Variants in GTPBP4 observed in about 807,000 individuals in gnomAD.
GTPBP4 encodes GTP binding protein 4, also known as GTP-binding protein 4.
A neutral mutation model predicts 81.7 loss-of-function variants in GTPBP4; 15 were observed. The ratio of observed to expected loss-of-function variants is 0.18; its 90% CI spans 0.12 to 0.28. The LOEUF is 0.28. Among genes scored for constraint, GTPBP4 ranks in the 10% least tolerant of loss-of-function variants. The pLI, the probability that GTPBP4 is intolerant of heterozygous loss-of-function variation, is 1.00. For synonymous variants in GTPBP4, 272 were observed against 274.6 expected (o/e 0.99, Z 0.09); for missense variants, 847 against 793.8 (o/e 1.07, Z -0.81).
chr10:998,915 C>T, intron 5 of GTPBP4, 88 bp from the exon 6 acceptor site: 1 of 778,562 alleles, frequency 1.3e-6, no homozygotes, highest in South Asian at 1.4e-5. Flanking sequence ...TGGTTATTTC[C>T]TACCCAAAAT....
chr10:1,014,141 A>G, intron 14 of GTPBP4, 106 bp from the exon 15 acceptor site: 1 of 645,742 alleles, frequency 1.5e-6, no homozygotes. Flanking sequence ...TAAAATAAGT[A>G]TATTATAATT....
chr10:1,011,961 G>A (rs368003729), intron 13 of GTPBP4, among the ~76,000 whole-genome samples: 5 of 152,358 alleles, frequency 3.3e-5, no homozygotes, highest in East Asian at 1.9e-4. Context: ...CCAGCATCTC[G>A]TACAGGCACA....
intron 8 of GTPBP4, among the ~76,000 whole-genome samples, chr10:1,001,396 TG>T (rs1241691374): frequency 1.3e-5 from 2 of 152,220 alleles, no homozygotes; most frequent in African/African-American, 4.8e-5. Flanking sequence ...AGGAGGATCT[TG>T]GAATTTGGGC....
chr10:998,938 A>G (rs1831578681), intron 5 of GTPBP4, 65 bp from the exon 6 acceptor site: 1 of 897,742 alleles, frequency 1.1e-6, no homozygotes, highest in Non-Finnish European at 1.9e-6. Context: ...GTCTTGTTAA[A>G]ACACACAGAT....
In GTPBP4 at chr10:1,019,641, G is replaced by A. The variant is rs752920216; in HGVS notation, c.*2414G>A. ...GGGGGTGACTTTGACTTCACCCCTC[G>A]CCTCCCTCTCCAGCAGCTCCCACAG... is the stretch of plus-strand genomic sequence containing the variant. On this transcript the variant is annotated 3_prime_UTR_variant, in exon 17 of 17. Coordinates refer to ENST00000360803, the MANE Select transcript of GTPBP4 (RefSeq NM_012341.3). 5 of 1,613,832 alleles carry A rather than the reference G, an allele frequency of 3.1e-6. No individual in the cohort carries two copies. Among genetic ancestry groups the A allele is most frequent in the Admixed American group, 1.7e-5 (1 of 59,964 alleles).
At chr10:1,012,322 G>C (rs1336620209) in intron 13 of GTPBP4, 143 bp from the exon 14 acceptor site, 12 of 571,018 alleles carry the variant, frequency 2.1e-5, no homozygotes, top group Middle Eastern at 9.5e-4. Flanking sequence ...TGGCACATAG[G>C]CAGGGCCCAG....
chr10:1,012,726 A>G, intron 14 of GTPBP4, 64 bp downstream of exon 14: 1 of 1,114,454 alleles, frequency 9.0e-7, no homozygotes. Context: ...CTGTGTGATC[A>G]TTGCTAAATA....
chr10:1,005,776 G>T (rs778241646), intron 8 of GTPBP4, 42 bp from the exon 9 acceptor site: 6 of 1,111,830 alleles, frequency 5.4e-6, no homozygotes, highest in Non-Finnish European at 8.3e-6. Context: ...TAGGGAACTG[G>T]AAATGAATAA....
At chr10:1,014,408 G>T in intron 15 of GTPBP4, 96 bp downstream of exon 15, 1 of 876,338 alleles carries the variant, frequency 1.1e-6, no homozygotes. Flanking sequence ...TGTAATCCCA[G>T]CACTTTGGGA....
At position 999,054 on chromosome 10, in the gene GTPBP4, C is replaced by T. The variant is rs763215962; in HGVS notation, c.613C>T (p.Leu205=). The change falls in exon 6 of 17, where the codon CTG becomes TTG. Residue 205 remains leucine (L), a synonymous_variant. Coordinates refer to ENST00000360803, the MANE Select transcript of GTPBP4 (RefSeq NM_012341.3). ...GCCCTATGCGTTCACAACCAAGTCT[C>T]TGTTTGTTGGGCACATGGATTATAA... The part of the protein sequence containing the change: ...VQPYAFTTKS[L]FVGHMDYKYL... 2.5e-6 allele frequency: 4 copies of T among 1,607,440 alleles called. No homozygotes were observed. Among genetic ancestry groups the T allele is most frequent in the Non-Finnish European group, 3.4e-6 (4 of 1,174,002 alleles).
At chr10:1,008,023 T>G (rs1831778750) in intron 10 of GTPBP4, 1 of 497,526 alleles carries the variant, frequency 2.0e-6, no homozygotes, top group Non-Finnish European at 4.0e-6. Flanking sequence ...TGCTGTACAT[T>G]TTTGAACTAT....
At chr10:1,012,707 AT>A in intron 14 of GTPBP4, 45 bp downstream of exon 14, 2 of 1,382,414 alleles carry the variant, frequency 1.4e-6, no homozygotes, top group South Asian at 2.5e-5. Context: ...GTTTTTGAAA[AT>A]TGGATTCCTG....
chr10:1,006,793 C>T (rs551344518), intron 9 of GTPBP4, among the ~76,000 whole-genome samples: 46 of 152,276 alleles, frequency 3.0e-4, no homozygotes, highest in African/African-American at 9.9e-4. Context: ...TGGAGGGCAC[C>T]GTCTGTGCAG....
intron 15 of GTPBP4, among the ~76,000 whole-genome samples, chr10:1,015,047 G>T (rs963417216): frequency 1.3e-5 from 2 of 152,218 alleles, no homozygotes; most frequent in African/African-American, 2.4e-5. Flanking sequence ...GGGCAGTGAG[G>T]GAGAGAGCAT....
chr10:1,004,521 C>T (rs980098074), intron 8 of GTPBP4, among the ~76,000 whole-genome samples: 6 of 152,062 alleles, frequency 3.9e-5, no homozygotes, highest in African/African-American at 7.2e-5. Context: ...CTCTTCTGGG[C>T]GCCCCAGGCA....
chr10:1,000,907 G>T (rs1460167652), intron 7 of GTPBP4, 39 bp downstream of exon 7: 1 of 1,607,514 alleles, frequency 6.2e-7, no homozygotes, highest in Admixed American at 1.7e-5. Flanking sequence ...ATATCCTGCA[G>T]TACGAGAATA....
Position 1,017,078 on chromosome 10 carries a change from G to A in GTPBP4, c.1756G>A (p.Val586Met), listed in dbSNP as rs769861717. Residue 586 changes from valine (V) to methionine (M), a missense_variant, in exon 17 of 17, where the codon GTG (valine) becomes ATG (methionine). Transcript: ENST00000360803. Reference protein sequence around the residue: ...DVSGLRDVKMVKKAKTMMKNA... With the variant: ...DVSGLRDVKMMKKAKTMMKNA... ...TATTTTTTTCTCCTCCTTTTAGATG[G>A]TGAAGAAAGCCAAGACTATGATGAA... 4.4e-6 allele frequency: 7 copies of A among 1,609,050 alleles called. No individual in the cohort carries two copies. Among genetic ancestry groups the A allele is most frequent in the Non-Finnish European group, 5.1e-6 (6 of 1,178,074 alleles).
At chr10:1,004,758 C>T (rs1467949737) in intron 8 of GTPBP4, among the ~76,000 whole-genome samples, 1 of 152,154 alleles carries the variant, frequency 6.6e-6, no homozygotes, top group Non-Finnish European at 1.5e-5. Flanking sequence ...GAAGGGGTAG[C>T]AGCTGCTCAC....
intron 6 of GTPBP4, among the ~76,000 whole-genome samples, chr10:999,501 A>G (rs1052091900): frequency 6.6e-6 from 1 of 152,228 alleles, no homozygotes; most frequent in African/African-American, 2.4e-5. Context: ...AAGAAAACTC[A>G]TCTGAGCTCT....
Sources: allele counts gnomAD v4.1 joint callset (sites outside exome capture counted in the v4.1 genomes callset), GRCh38; gene constraint gnomAD v4.1.1; transcripts MANE v1.5; gene names NCBI Gene and HGNC (gene_info 2026-07-23, HGNC 2026-07-21).